Variants in WDR36 observed in about 807,000 individuals in gnomAD.
WDR36 encodes the protein WD repeat domain 36.
Under a neutral mutation model 112.7 loss-of-function variants are expected in WDR36, and 63 were observed. The observed-to-expected ratio is 0.56, with a 90% CI of 0.46 to 0.69. WDR36 has a LOEUF of 0.69. Ranked by LOEUF, WDR36 falls within the 30% of genes least tolerant of loss-of-function variation. The pLI is 0.00. For missense variants in WDR36, 1,226 were observed against 1,070.3 expected (o/e 1.15, Z -2.03); for synonymous variants, 410 against 362.2 (o/e 1.13, Z -1.50).
At chr5:111,118,945 A>G (rs1753509394) in intron 16 of WDR36, 68 bp from the exon 17 acceptor site, 2 of 1,355,058 alleles carry the variant, frequency 1.5e-6, no homozygotes, top group Non-Finnish European at 2.1e-6. Context: ...TTTGGCAAAA[A>G]TATTTTTGTG....
chr5:111,107,220 T>C (rs1753237556), intron 11 of WDR36, 74 bp from the exon 12 acceptor site: 3 of 1,530,084 alleles, frequency 2.0e-6, no homozygotes, highest in Non-Finnish European at 8.9e-7. Flanking sequence ...GTCTGAAATA[T>C]TGGATGCCTA....
chr5:111,114,412 T>C (rs965026925), intron 16 of WDR36, among the ~76,000 whole-genome samples: 1 of 152,188 alleles, frequency 6.6e-6, no homozygotes. Context: ...AGCTCATACA[T>C]GAAAACAGTT....
At chr5:111,106,707 A>G (rs1189150531) in intron 11 of WDR36, among the ~76,000 whole-genome samples, 1 of 151,404 alleles carries the variant, frequency 6.6e-6, no homozygotes, top group African/African-American at 2.4e-5. Flanking sequence ...GAATCACATC[A>G]CACATCTGCT....
intron 4 of WDR36, 113 bp downstream of exon 4, chr5:111,098,952 TA>T (rs1240359164): frequency 3.9e-6 from 3 of 779,220 alleles, no homozygotes; most frequent in South Asian, 3.1e-5. Flanking sequence ...AGTAAGAAAT[TA>T]AAAAAATCAA....
At chr5:111,110,140 C>A in intron 12 of WDR36, 49 bp from the exon 13 acceptor site, 1 of 1,294,436 alleles carries the variant, frequency 7.7e-7, no homozygotes, top group Non-Finnish European at 1.1e-6. Flanking sequence ...GCATAAAGTG[C>A]AATAAAAATG....
In WDR36 at chr5:111,104,362, T is replaced by C. The variant is rs1356220630; in HGVS notation, c.906+10T>C. The C allele has an allele frequency of 1.9e-6, 3 of 1,611,642 alleles. No individual in the cohort carries two copies. In the South Asian group the frequency reaches 3.3e-5, roughly 18 times the overall value. ...TGACAATGCTCTTAGGGTATTATGA[T>C]TATTGTTAACATCTTCCTGGCTCAT... is the stretch of plus-strand genomic sequence containing the variant. On this transcript the variant is annotated intron_variant, in intron 8 of 22. Coordinates refer to ENST00000513710, the MANE Select transcript of WDR36 (RefSeq NM_139281.3).
intron 6 of WDR36, 123 bp downstream of exon 6, chr5:111,102,522 A>T: frequency 1.0e-6 from 1 of 964,556 alleles, no homozygotes; most frequent in Non-Finnish European, 1.6e-6. Flanking sequence ...TACCTTTAAA[A>T]TTGTTAGCCT....
At chr5:111,104,676 G>A (rs754441106) in intron 8 of WDR36, 21 bp from the exon 9 acceptor site, 2 of 1,610,650 alleles carry the variant, frequency 1.2e-6, no homozygotes, top group Non-Finnish European at 8.5e-7. Flanking sequence ...TAGAAGAACT[G>A]ACGTTTTTAT....
intron 5 of WDR36, among the ~76,000 whole-genome samples, chr5:111,101,304 A>G (rs1288473038): frequency 3.3e-5 from 5 of 151,956 alleles, no homozygotes; most frequent in Non-Finnish European, 7.4e-5. Flanking sequence ...AAGAATTGCT[A>G]TAGAGAAGGC....
chr5:111,095,937 A>AG (rs1358392343), intron 2 of WDR36, among the ~76,000 whole-genome samples: 1 of 152,202 alleles, frequency 6.6e-6, no homozygotes, highest in African/African-American at 2.4e-5. Flanking sequence ...TTCTTGTGAG[A>AG]GAAACAGAAG....
intron 8 of WDR36, 81 bp downstream of exon 8, chr5:111,104,433 C>G: frequency 1.3e-6 from 2 of 1,567,756 alleles, no homozygotes; most frequent in Non-Finnish European, 1.8e-6. Context: ...AATGTATCAG[C>G]TTTCAACCTA....
At chr5:111,097,856 C>CT (rs1753024984) in intron 3 of WDR36, among the ~76,000 whole-genome samples, 1 of 152,210 alleles carries the variant, frequency 6.6e-6, no homozygotes, top group Non-Finnish European at 1.5e-5. Context: ...TTCCCACAGT[C>CT]TTTCATCATC....
intron 3 of WDR36, among the ~76,000 whole-genome samples, chr5:111,098,068 C>G (rs773190379): frequency 1.3e-5 from 2 of 152,036 alleles, no homozygotes; most frequent in Non-Finnish European, 2.9e-5. Context: ...AATAAAGGAC[C>G]TTTATGCACA....
intron 17 of WDR36, among the ~76,000 whole-genome samples, chr5:111,119,822 A>G (rs1378105151): frequency 5.3e-5 from 8 of 152,190 alleles, no homozygotes; most frequent in African/African-American, 9.6e-5. Context: ...AAAACAGAGT[A>G]TGTTTTAGAA....
intron 17 of WDR36, 63 bp downstream of exon 17, chr5:111,119,183 T>G: frequency 7.6e-7 from 1 of 1,310,602 alleles, no homozygotes; most frequent in Non-Finnish European, 1.1e-6. Context: ...AGAGTTAGAG[T>G]TGCTAAAATT....
intron 15 of WDR36, among the ~76,000 whole-genome samples, chr5:111,112,170 A>G (rs1359085735): frequency 6.6e-6 from 1 of 151,950 alleles, no homozygotes; most frequent in Non-Finnish European, 1.5e-5. Context: ...ACTTTTGAAA[A>G]CATCTGTCAG....
Position 111,100,716 on chromosome 5 carries a change from A to T in WDR36, c.537A>T (p.Lys179Asn). The T allele has an allele frequency of 6.2e-7, 1 of 1,608,452 alleles. No individual in the cohort carries two copies. The highest frequency in any genetic ancestry group is 8.5e-7 in the Non-Finnish European group (1 of 1,176,344). The change falls in exon 5 of 23, where the codon AAA (lysine) becomes AAT (asparagine). Residue 179 changes from lysine (K) to asparagine (N), a missense_variant. Physicochemically the swap from Lys to Asn is moderately conservative, Grantham distance 94. Transcript: ENST00000513710. ...GAAGCCTGCAGTTGTGGAATGTAAAATCCAAGTAAGTATTTTAGTTAGAAA... is the reference window on the plus strand; with the variant it reads ...GAAGCCTGCAGTTGTGGAATGTAAATTCCAAGTAAGTATTTTAGTTAGAAA... Reference protein sequence around the residue: ...EQGSLQLWNVKSNKLLYTFPG... With the variant: ...EQGSLQLWNVNSNKLLYTFPG...
intron 12 of WDR36, among the ~76,000 whole-genome samples, chr5:111,109,069 A>G (rs558036832): frequency 6.6e-5 from 10 of 151,358 alleles, no homozygotes; most frequent in Non-Finnish European, 1.2e-4. Context: ...ATACATTAGA[A>G]TGAATAAATT....
At chr5:111,125,516 AATAT>A in intron 21 of WDR36, 88 bp from the exon 22 acceptor site, 1 of 1,292,378 alleles carries the variant, frequency 7.7e-7, no homozygotes, top group Non-Finnish European at 1.1e-6. Context: ...GTACCATTTA[AATAT>A]ATCCTATTTG....
Sources: allele counts gnomAD v4.1 joint callset (sites outside exome capture counted in the v4.1 genomes callset), GRCh38; gene constraint gnomAD v4.1.1; transcripts MANE v1.5; gene names NCBI Gene and HGNC (gene_info 2026-07-23, HGNC 2026-07-21).